ARHGAP21: variants seen among roughly 807,000 people sequenced by gnomAD.
ARHGAP21 encodes Rho GTPase activating protein 21.
ARHGAP21 carries 38 observed loss-of-function variants against 164.6 expected under a neutral mutation model. The ratio of observed to expected loss-of-function variants is 0.23; its 90% CI spans 0.18 to 0.30. The LOEUF (loss-of-function observed/expected upper bound fraction) is 0.30, where lower values mean the gene tolerates loss of function less well. ARHGAP21 is among the 10% of genes least tolerant of loss of function. ARHGAP21 has a pLI of 1.00. For missense variants in ARHGAP21, 1,822 were observed against 2,370.7 expected (o/e 0.77, Z 4.81); for synonymous variants, 766 against 857.9 (o/e 0.89, Z 1.87).
At chr10:24,650,709 A>C (rs768757997) in intron 4 of ARHGAP21, among the ~76,000 whole-genome samples, 2 of 152,250 alleles carry the variant, frequency 1.3e-5, no homozygotes, top group African/African-American at 2.4e-5. Context: ...AGCTGGTTAC[A>C]GAATCAACTC....
intron 4 of ARHGAP21, among the ~76,000 whole-genome samples, chr10:24,662,208 T>C (rs1839766163): frequency 6.6e-6 from 1 of 152,240 alleles, no homozygotes; most frequent in East Asian, 1.9e-4. Flanking sequence ...ACATACCCTA[T>C]ATTTATCTTC....
At chr10:24,686,220 C>T (rs1285479638) in intron 2 of ARHGAP21, among the ~76,000 whole-genome samples, 7 of 152,012 alleles carry the variant, frequency 4.6e-5, no homozygotes, top group Non-Finnish European at 1.0e-4. Context: ...TGCTTGAGCC[C>T]AGGAGTTGAA....
At chr10:24,617,992 C>T (rs953014138) in intron 9 of ARHGAP21, among the ~76,000 whole-genome samples, 1 of 152,152 alleles carries the variant, frequency 6.6e-6, no homozygotes, top group Non-Finnish European at 1.5e-5. Flanking sequence ...GGCGTGCTCC[C>T]TGGAGCTGTG....
chr10:24,601,603 A>C lies in ARHGAP21; in HGVS notation c.2847+375T>G, dbSNP rs544274121. 2.0e-3 allele frequency among the ~76,000 whole-genome samples: 303 copies of C among 149,912 alleles called. 1 individual carries two copies. Among genetic ancestry groups the C allele is most frequent in the African/African-American group, 7.0e-3 (292 of 41,430 alleles). On this transcript the variant is annotated intron_variant, in intron 13 of 25. Transcript: ENST00000396432. ...AAAGTTATAAAGGTAATTTAAAATA[A>C]ACTAAGAAAAGAGACATAAAAATTT... is the stretch of plus-strand genomic sequence containing the variant.
At chr10:24,678,798 A>C (rs1267720403) in intron 2 of ARHGAP21, among the ~76,000 whole-genome samples, 2 of 152,106 alleles carry the variant, frequency 1.3e-5, no homozygotes, top group African/African-American at 4.8e-5. Flanking sequence ...CTCCCAAATT[A>C]ATCTGTTCTA....
chr10:24,634,939 C>A (rs1366647559), intron 5 of ARHGAP21, 72 bp downstream of exon 5: 13 of 1,169,230 alleles, frequency 1.1e-5, no homozygotes, highest in East Asian at 2.6e-5. Flanking sequence ...GAAAAAATAT[C>A]GAACATGAAA....
At position 24,584,714 on chromosome 10, in the gene ARHGAP21, G is replaced by A. The variant is rs372867428; in HGVS notation, c.5575C>T (p.Arg1859Cys). 105 of 1,613,840 alleles carry A rather than the reference G, an allele frequency of 6.5e-5. No homozygotes were observed. Among genetic ancestry groups the A allele is most frequent in the Non-Finnish European group, 7.8e-5 (92 of 1,179,878 alleles). ...ISDWLARERL[R>C]TSTSDLSRGE... ...CTGCTAAGGTCAGAGGTACTGGTGC[G>A]TAGGCGTTCCCTGGCCAGCCAGTCT... is the stretch of plus-strand genomic sequence containing the variant. Residue 1859 changes from arginine (R) to cysteine (C), a missense_variant, in exon 26 of 26, where the codon CGC (arginine) becomes TGC (cysteine). Arg to Cys is a radical substitution (Grantham distance 180). Around this residue, in one of 5 missense-constraint regions of ARHGAP21, gnomAD observed 165 missense variants for 176.6 expected, o/e 0.93. Transcript: ENST00000396432.
intron 14 of ARHGAP21, 25 bp downstream of exon 14, chr10:24,600,621 C>A: frequency 1.9e-6 from 3 of 1,604,920 alleles, no homozygotes; most frequent in Non-Finnish European, 2.6e-6. Flanking sequence ...GGTCAGATTT[C>A]TCCAGCATTC....
rs1840574377 is a variant in ARHGAP21 at position 24,670,203 on chromosome 10, A to G, written c.243+15T>C. The stretch of plus-strand genomic sequence containing the variant: ...TGTGGTTTTTTTTTCAAGTTGCGGT[A>G]ACTATTTCTCTTACCTTATATGAAA... On this transcript the variant is annotated intron_variant, in intron 3 of 25. Transcript: ENST00000396432. 1 of 1,529,504 alleles carries G rather than the reference A, an allele frequency of 6.5e-7. No homozygotes were observed. Among genetic ancestry groups the G allele is most frequent in the Non-Finnish European group, 8.8e-7 (1 of 1,133,354 alleles). 94.7% of individuals were successfully genotyped at this position (1,529,504 alleles called of 1,614,324 possible).
At chr10:24,601,659 C>T (rs930884673) in intron 13 of ARHGAP21, among the ~76,000 whole-genome samples, 4 of 152,054 alleles carry the variant, frequency 2.6e-5, no homozygotes, top group Non-Finnish European at 5.9e-5. Flanking sequence ...TAAAGGACAA[C>T]GGAATAACCC....
At position 24,620,354 on chromosome 10, in the gene ARHGAP21, G is replaced by A. The variant is rs2131181072; in HGVS notation, c.1541C>T (p.Pro514Leu). The A allele has an allele frequency of 6.2e-7, 1 of 1,613,836 alleles. No individual in the cohort carries two copies. Among genetic ancestry groups the A allele is most frequent in the East Asian group, 2.2e-5 (1 of 44,882 alleles). ...ETLENVNSGT[P>L]IPDSNGEKKQ... The stretch of plus-strand genomic sequence containing the variant: ...TTTCTCTCCATTGGAATCAGGTATT[G>A]GAGTTCCAGAATTGACATTTTCTAA... Residue 514 changes from proline to leucine, a missense_variant, in exon 9 of 26, where the codon CCA becomes CTA. Around this residue, in one of 5 missense-constraint regions of ARHGAP21, gnomAD observed 1,090 missense variants for 1,378.9 expected, o/e 0.79. Coordinates refer to ENST00000396432, the MANE Select transcript of ARHGAP21 (RefSeq NM_020824.4).
chr10:24,637,899 CTG>C (rs1262589265), intron 4 of ARHGAP21, among the ~76,000 whole-genome samples: 4 of 150,146 alleles, frequency 2.7e-5, no homozygotes, highest in African/African-American at 9.8e-5. Flanking sequence ...GAGTCTTGCA[CTG>C]TTGCCCGGGC....
In ARHGAP21 at chr10:24,591,689, A is replaced by T. The variant is rs1384383541; in HGVS notation, c.4003-6T>A. On this transcript the variant is annotated splice_region_variant and splice_polypyrimidine_tract_variant and intron_variant, in intron 22 of 25. Coordinates refer to ENST00000396432, the MANE Select transcript of ARHGAP21 (RefSeq NM_020824.4). The stretch of plus-strand genomic sequence containing the variant: ...TCTGTGAAAAACCAGTCATGCTAAA[A>T]TTTAAAAAAGGTGAGAAGAGAAATT... 2.5e-6 allele frequency: 4 copies of T among 1,613,976 alleles called. No homozygotes were observed. The highest frequency in any genetic ancestry group is 1.3e-5 in the African/African-American group (1 of 74,950).
intron 9 of ARHGAP21, 43 bp from the exon 10 acceptor site, chr10:24,607,946 G>A: frequency 2.0e-6 from 3 of 1,527,584 alleles, no homozygotes; most frequent in Non-Finnish European, 2.6e-6. Flanking sequence ...TGACCTAATT[G>A]TTATTAATAA....
intron 3 of ARHGAP21, among the ~76,000 whole-genome samples, chr10:24,668,995 C>T (rs963448667): frequency 6.6e-6 from 1 of 152,110 alleles, no homozygotes; most frequent in East Asian, 1.9e-4. Flanking sequence ...GCGTAAGTAA[C>T]ACTATTTGAG....
Position 24,723,848 on chromosome 10 carries a change from G to GGCCCAGCTCCGGC in ARHGAP21, c.-680_-668dup, listed in dbSNP as rs1339868631. Among the ~76,000 whole-genome samples, 1 of 150,450 alleles carries GGCCCAGCTCCGGC rather than the reference G, an allele frequency of 6.6e-6. No individual in the cohort carries two copies. The highest frequency in any genetic ancestry group is 1.5e-5 in the Non-Finnish European group (1 of 67,558). ...CCCTCGCCTCGCCGGGCCGGGCCGGGGCCCAGCTCCGGCGCCCGCGAACGC... is the reference window on the plus strand; with the variant it reads ...CCCTCGCCTCGCCGGGCCGGGCCGGGGCCCAGCTCCGGCGCCCAGCTCCGGCGCCCGCGAACGC... On this transcript the variant is annotated 5_prime_UTR_variant, in exon 1 of 26. Transcript: ENST00000396432.
intron 13 of ARHGAP21, among the ~76,000 whole-genome samples, chr10:24,601,567 T>A (rs2076814378): frequency 6.6e-6 from 1 of 152,042 alleles, no homozygotes; most frequent in Non-Finnish European, 1.5e-5. Context: ...ATTTTTAAAA[T>A]AAAATGAAAC....
intron 2 of ARHGAP21, among the ~76,000 whole-genome samples, chr10:24,677,646 A>G (rs1264859831): frequency 6.6e-6 from 1 of 152,196 alleles, no homozygotes; most frequent in Non-Finnish European, 1.5e-5. Flanking sequence ...AAGCAAGCAT[A>G]TGATTAGGTA....
intron 14 of ARHGAP21, 101 bp downstream of exon 14, chr10:24,600,545 T>C: frequency 7.3e-7 from 1 of 1,376,844 alleles, no homozygotes; most frequent in East Asian, 2.5e-5. Flanking sequence ...AAATAGCACA[T>C]TATAATTTTT....
Sources: allele counts gnomAD v4.1 joint callset (sites outside exome capture counted in the v4.1 genomes callset), GRCh38; gene constraint gnomAD v4.1.1; regional missense constraint gnomAD v4.1.1; transcripts MANE v1.5; gene names NCBI Gene and HGNC (gene_info 2026-07-23, HGNC 2026-07-21).